The following MROH9 variants were observed in gnomAD, a reference collection of about 807,000 sequenced individuals.
The protein encoded by MROH9 is maestro heat-like repeat-containing protein family member 9.
Under a neutral mutation model 98.2 loss-of-function variants are expected in MROH9, and 92 were observed. That is an observed-to-expected ratio of 0.94 (90% CI 0.79 to 1.11). The LOEUF is 1.11. MROH9 is among the 50% of genes most tolerant of loss of function. The pLI, the probability that MROH9 is intolerant of heterozygous loss-of-function variation, is 0.00. For synonymous variants in MROH9, 397 were observed against 368.9 expected, an observed-to-expected ratio of 1.08 and a Z score of -0.87; for missense variants, 1,057 against 1,014.8, an observed-to-expected ratio of 1.04 and a Z score of -0.57.
intron 20 of MROH9, among the ~76,000 whole-genome samples, chr1:171,057,785 C>T (rs1378145798): frequency 6.6e-6 from 1 of 152,178 alleles, no homozygotes; most frequent in Non-Finnish European, 1.5e-5. Context: ...AGAAACTCTG[C>T]AAACCAGAAC....
intron 3 of MROH9, among the ~76,000 whole-genome samples, chr1:170,952,494 G>A (rs71635687): frequency 0.089 from 13,348 of 150,712 alleles, 709 homozygotes; most frequent in East Asian, 0.13. Context: ...GCAAACTATC[G>A]CAAGGACAAA....
chr1:170,984,507 G>GT (rs1199922473), intron 9 of MROH9, among the ~76,000 whole-genome samples: 2 of 152,138 alleles, frequency 1.3e-5, no homozygotes, highest in Non-Finnish European at 2.9e-5. Context: ...CCAGGCATCT[G>GT]TTTAAGTTTA....
At chr1:170,956,582 CTTTTTTTTTTTTG>C (rs1176661170) in intron 3 of MROH9, among the ~76,000 whole-genome samples, 1 of 114,934 alleles carries the variant, frequency 8.7e-6, no homozygotes, top group Non-Finnish European at 1.8e-5. Context: ...TTTCTCTTTC[CTTTTTTTTTTTTG>C]TTTTTTTTTT....
chr1:170,993,244 T>C (rs542150940), intron 12 of MROH9, among the ~76,000 whole-genome samples: 2 of 152,304 alleles, frequency 1.3e-5, no homozygotes, highest in African/African-American at 4.8e-5. Flanking sequence ...GTTTTTTCCA[T>C]TCAGTCCAAA....
At chr1:171,015,310 G>A (rs1364938984) in intron 16 of MROH9, among the ~76,000 whole-genome samples, 1 of 152,112 alleles carries the variant, frequency 6.6e-6, no homozygotes, top group Non-Finnish European at 1.5e-5. Context: ...TTTACCCAGA[G>A]CTCTTCCCAA....
chr1:170,940,463 T>C (rs1649079923), intron 1 of MROH9, among the ~76,000 whole-genome samples: 2 of 152,236 alleles, frequency 1.3e-5, no homozygotes, highest in South Asian at 4.1e-4. Flanking sequence ...AGAGTTGACA[T>C]GCCCCTGTGG....
At chr1:171,062,320 T>C (rs1654040389) in intron 21 of MROH9, 126 bp downstream of exon 21, 1 of 642,656 alleles carries the variant, frequency 1.6e-6, no homozygotes, top group Admixed American at 3.0e-5. Context: ...GTGGTAGTAG[T>C]AGTTGGATAA....
At chr1:171,053,099 TCTC>T (rs1653721482) in intron 20 of MROH9, among the ~76,000 whole-genome samples, 1 of 152,106 alleles carries the variant, frequency 6.6e-6, no homozygotes, top group South Asian at 2.1e-4. Context: ...CTTCAACAAT[TCTC>T]CTTCTGCTCT....
chr1:170,992,273 A>T lies in MROH9; in HGVS notation c.1138A>T (p.Thr380Ser). ...AGGAAAGCCTGGGGAAATGGAGGACACCGTAACGGAAGGGAAACGTTTCTC... is the reference window on the plus strand; with the variant it reads ...AGGAAAGCCTGGGGAAATGGAGGACTCCGTAACGGAAGGGAAACGTTTCTC... ...LKGKPGEMED[T>S]VTEGKRFSLD... The change falls in exon 12 of 22, where the codon ACC becomes TCC. Residue 380 changes from threonine to serine, a missense_variant. Transcript: ENST00000367759. The T allele has an allele frequency of 6.2e-7, 1 of 1,613,572 alleles. No individual in the cohort carries two copies. Among genetic ancestry groups the T allele is most frequent in the South Asian group, 1.1e-5 (1 of 91,060 alleles).
intron 21 of MROH9, among the ~76,000 whole-genome samples, chr1:171,063,549 G>T (rs1282884270): frequency 6.6e-6 from 1 of 152,054 alleles, no homozygotes; most frequent in Non-Finnish European, 1.5e-5. Context: ...ACCGTGCCTG[G>T]CCTATCCAGG....
At chr1:170,974,354 G>A (rs1249126493) in intron 8 of MROH9, among the ~76,000 whole-genome samples, 1 of 151,796 alleles carries the variant, frequency 6.6e-6, no homozygotes, top group Non-Finnish European at 1.5e-5. Context: ...AGAACATCAA[G>A]GCACATCATA....
intron 20 of MROH9, 52 bp from the exon 21 acceptor site, chr1:171,062,080 T>C: frequency 8.6e-7 from 1 of 1,164,060 alleles, no homozygotes. Context: ...CATCAGAAAA[T>C]GTATTTTCAT....
At chr1:170,975,514 G>T (rs28768068) in intron 8 of MROH9, among the ~76,000 whole-genome samples, 68,954 of 151,796 alleles carry the variant, frequency 0.45, 15,781 homozygotes, top group Middle Eastern at 0.6. Context: ...TAGTGTACAT[G>T]TTACCCATTA....
chr1:171,023,146 A>G (rs1652572435), intron 17 of MROH9, among the ~76,000 whole-genome samples: 1 of 152,210 alleles, frequency 6.6e-6, no homozygotes, highest in East Asian at 1.9e-4. Context: ...TTGGAGCCCA[A>G]GAGTTAAAAG....
In MROH9 at chr1:170,945,577, A is replaced by C. The variant is rs771873227; in HGVS notation, c.21A>C (p.Lys7Asn). ...TCAGCATGTTGACAAGGAATCCAAA[A>C]ACAAGTAAGGCTTTAGGACACAATA... The part of the protein sequence containing the change: MLTRNP[K>N]TKSSLQILQD... Residue 7 changes from lysine to asparagine, a missense_variant, in exon 2 of 22, where the codon AAA becomes AAC. By Grantham distance (94) the Lys-to-Asn change is moderately conservative. Transcript: ENST00000367759. 5.0e-6 allele frequency: 8 copies of C among 1,611,994 alleles called. No homozygotes were observed. Among genetic ancestry groups the C allele is most frequent in the Non-Finnish European group, 6.8e-6 (8 of 1,178,892 alleles).
chr1:170,994,715 C>T (rs1289911462), intron 12 of MROH9, among the ~76,000 whole-genome samples: 1 of 151,994 alleles, frequency 6.6e-6, no homozygotes, highest in Non-Finnish European at 1.5e-5. Flanking sequence ...TTGTTTTATG[C>T]CCATTAACCA....
intron 6 of MROH9, 113 bp downstream of exon 6, chr1:170,962,089 A>C: frequency 1.6e-6 from 1 of 614,024 alleles, no homozygotes; most frequent in Non-Finnish European, 2.8e-6. Flanking sequence ...TTGATGACTG[A>C]AAGTTTTTCT....
chr1:170,975,124 C>A (rs1650629677), intron 8 of MROH9, among the ~76,000 whole-genome samples: 1 of 151,484 alleles, frequency 6.6e-6, no homozygotes, highest in Admixed American at 6.6e-5. Flanking sequence ...AATTTTTAAC[C>A]CAATCATAAT....
At chr1:171,003,871 G>C (rs1299055113) in intron 15 of MROH9, among the ~76,000 whole-genome samples, 1 of 152,080 alleles carries the variant, frequency 6.6e-6, no homozygotes, top group African/African-American at 2.4e-5. Flanking sequence ...GTGGGGATGG[G>C]GCTAGGTGTG....
Sources: gnomAD v4.1 joint callset for allele counts (sites outside exome capture counted in the v4.1 genomes callset) on GRCh38, gnomAD v4.1.1 for gene constraint, MANE v1.5 for transcripts, NCBI Gene and HGNC (gene_info 2026-07-23, HGNC 2026-07-21) for gene names.